The following TIAM2 variants were observed in gnomAD, a reference collection of about 807,000 sequenced individuals.
TIAM2 encodes the protein rho guanine nucleotide exchange factor TIAM2.
In TIAM2, 80 loss-of-function variants were observed where a neutral mutation model predicts 152.9. That is an observed-to-expected ratio of 0.52 (90% confidence interval 0.44 to 0.63). The LOEUF (loss-of-function observed/expected upper bound fraction) is 0.63, where lower values mean the gene tolerates loss of function less well. Ranked by LOEUF, TIAM2 falls within the 30% of genes least tolerant of loss-of-function variation. The pLI, the probability that TIAM2 is intolerant of heterozygous loss-of-function variation, is 0.00. For synonymous variants in TIAM2, 804 were observed against 838.0 expected (o/e 0.96, Z 0.70); for missense variants, 1,965 against 2,120.1 (o/e 0.93, Z 1.44).
rs111277605 is a variant in TIAM2 at position 155,250,952 on chromosome 6, A to G, written c.3991A>G (p.Thr1331Ala). 144 of 1,614,098 alleles carry G rather than the reference A, an allele frequency of 8.9e-5. No individual in the cohort carries two copies. The highest frequency in any genetic ancestry group is 1.2e-4 in the Non-Finnish European group (136 of 1,180,034). The part of the protein sequence containing the change: ...LSMGELLMHS[T>A]VSWLNPFLSL... The stretch of plus-strand genomic sequence containing the variant: ...GATGGGAGAGCTTCTGATGCACTCT[A>G]CGGTTTCCTGGTTGAATCCATTTCT... The change falls in exon 22 of 27, where the codon ACG becomes GCG. Residue 1331 changes from threonine (T) to alanine (A), a missense_variant. Thr to Ala is a moderately conservative substitution (Grantham distance 58, BLOSUM62 0). Around this residue, in one of 3 missense-constraint regions of TIAM2, gnomAD observed 935 missense variants for 980.0 expected, o/e 0.95. Transcript: ENST00000682666.
chr6:155,253,535 ATGCAGTGACC>A (rs999414648), intron 24 of TIAM2: 1 of 177,482 alleles, frequency 5.6e-6, no homozygotes, highest in African/African-American at 2.4e-5. Context: ...AGGCTGAGTC[ATGCAGTGACC>A]TGCTGGGCTT....
In TIAM2 at chr6:155,176,568, A is replaced by G. The variant is rs936874229; in HGVS notation, c.2362-248A>G. 5.3e-5 allele frequency among the ~76,000 whole-genome samples: 8 copies of G among 152,216 alleles called. No individual in the cohort carries two copies. In the East Asian group the frequency reaches 1.2e-3, roughly 22 times the overall value. On this transcript the variant is annotated intron_variant, in intron 9 of 26. Transcript: ENST00000682666. ...TGTTCTAACTTGGCATAAGCGGTCA[A>G]TTGACACAGTGGAAAGAACACAGGA...
At chr6:155,061,212 T>C (rs1583172537) in intron 1 of TIAM2, among the ~76,000 whole-genome samples, 1 of 152,202 alleles carries the variant, frequency 6.6e-6, no homozygotes, top group East Asian at 1.9e-4. Flanking sequence ...TGTGTGTCTA[T>C]CTCTCAATCA....
At chr6:155,034,871 G>T (rs1776894317) in intron 1 of TIAM2, among the ~76,000 whole-genome samples, 1 of 152,120 alleles carries the variant, frequency 6.6e-6, no homozygotes, top group African/African-American at 2.4e-5. Context: ...TGTTTTCAAA[G>T]ATCCTGTTTA....
chr6:155,159,475 T>C (rs80065604), intron 7 of TIAM2, among the ~76,000 whole-genome samples: 8,550 of 152,284 alleles, frequency 0.056, 246 homozygotes, highest in African/African-American at 0.07. Flanking sequence ...TCTGCTAGTC[T>C]GGTAGGGTGA....
At chr6:155,250,367 G>C (rs1239055091) in intron 21 of TIAM2, among the ~76,000 whole-genome samples, 1 of 147,126 alleles carries the variant, frequency 6.8e-6, no homozygotes, top group South Asian at 2.2e-4. Flanking sequence ...AGCAGGATTT[G>C]ACATTTTCTG....
At chr6:155,217,323 C>T (rs576064564) in intron 15 of TIAM2, among the ~76,000 whole-genome samples, 12 of 152,312 alleles carry the variant, frequency 7.9e-5, no homozygotes, top group Admixed American at 1.3e-4. Flanking sequence ...CGTTCTGTGG[C>T]GCTGTCACTG....
At chr6:155,247,956 A>G in intron 19 of TIAM2, 44 bp from the exon 20 acceptor site, 1 of 1,572,568 alleles carries the variant, frequency 6.4e-7, no homozygotes, top group East Asian at 2.3e-5. Context: ...AATTTAATTC[A>G]CCCCACTGTG....
rs533249652 is a variant in TIAM2, at chr6:155,218,720, T to A, written c.3168+7413T>A. The stretch of plus-strand genomic sequence containing the variant: ...AATGGCCTCTTGAGCTGAGATTCGA[T>A]GTCAGGTAGGAAACTGAACAAATAG... On this transcript the variant is annotated intron_variant, in intron 15 of 26. Transcript: ENST00000682666. This position sits in a 1 kb window ranked among gnomAD's most constrained non-coding sequence, Gnocchi z 4.5. Among the ~76,000 whole-genome samples the A allele has an allele frequency of 6.6e-6, 1 of 152,232 alleles. No individual in the cohort carries two copies. Among genetic ancestry groups the A allele is most frequent in the Non-Finnish European group, 1.5e-5 (1 of 68,046 alleles).
chr6:155,063,904 A>G (rs962084022), intron 1 of TIAM2, among the ~76,000 whole-genome samples: 5 of 152,170 alleles, frequency 3.3e-5, no homozygotes, highest in Non-Finnish European at 5.9e-5. Flanking sequence ...GAAGCTCAAT[A>G]ATAGCCTTGG....
chr6:155,226,370 A>C (rs189747478), intron 15 of TIAM2, among the ~76,000 whole-genome samples: 47 of 152,308 alleles, frequency 3.1e-4, no homozygotes, highest in Admixed American at 2.4e-3. Flanking sequence ...AAGTGGAAAC[A>C]AAAGATTGCT....
chr6:155,133,906 G>A (rs979415471), intron 4 of TIAM2, among the ~76,000 whole-genome samples: 11 of 151,978 alleles, frequency 7.2e-5, no homozygotes, highest in African/African-American at 1.4e-4. Flanking sequence ...TAGTAGAGAC[G>A]GGGTTTCTCC....
At chr6:155,012,697 C>G (rs1001533255) in intron 1 of TIAM2, among the ~76,000 whole-genome samples, 1 of 152,110 alleles carries the variant, frequency 6.6e-6, no homozygotes, top group African/African-American at 2.4e-5. Context: ...ACTACAGGCT[C>G]CCGCCACCAT....
At chr6:155,196,705 T>C (rs1338848016) in intron 14 of TIAM2, among the ~76,000 whole-genome samples, 2 of 152,228 alleles carry the variant, frequency 1.3e-5, no homozygotes, top group Non-Finnish European at 2.9e-5. Flanking sequence ...ACATATTTGT[T>C]TATAGGAGAA....
At chr6:155,238,125 A>G (rs1211686825) in intron 15 of TIAM2, among the ~76,000 whole-genome samples, 2 of 152,342 alleles carry the variant, frequency 1.3e-5, no homozygotes, top group African/African-American at 2.4e-5. Context: ...TTCTTCTCCC[A>G]GATACCTTAA....
chr6:155,028,771 A>G (rs1776706253), intron 1 of TIAM2, among the ~76,000 whole-genome samples: 1 of 125,482 alleles, frequency 8.0e-6, no homozygotes. Context: ...ATACTGTGTT[A>G]TATACTACAT....
At chr6:155,011,244 TA>T (rs1778485396) in intron 1 of TIAM2, among the ~76,000 whole-genome samples, 1 of 151,900 alleles carries the variant, frequency 6.6e-6, no homozygotes, top group Non-Finnish European at 1.5e-5. Context: ...AGTGGAGGGG[TA>T]GTTATGGAAT....
chr6:155,252,803 C>CTGAT, intron 23 of TIAM2, 145 bp from the exon 24 acceptor site: 1 of 655,496 alleles, frequency 1.5e-6, no homozygotes, highest in Admixed American at 2.7e-5. Context: ...GGGTGCGTAG[C>CTGAT]TGATTGACTT....
intron 1 of TIAM2, among the ~76,000 whole-genome samples, chr6:155,065,724 G>A (rs1309164427): frequency 6.6e-6 from 1 of 152,142 alleles, no homozygotes; most frequent in Non-Finnish European, 1.5e-5. Context: ...AGCCCAGAGT[G>A]CGCCACTGCA....
Sources: gnomAD v4.1 joint callset for allele counts (sites outside exome capture counted in the v4.1 genomes callset) on GRCh38, gnomAD v4.1.1 for gene constraint, gnomAD v4.1.1 regional missense constraint, Gnocchi (gnomAD v3.1) non-coding constraint, MANE v1.5 for transcripts, NCBI Gene and HGNC (gene_info 2026-07-23, HGNC 2026-07-21) for gene names.